RASGEF1B: variants seen among roughly 807,000 people sequenced by gnomAD.
RASGEF1B encodes ras-GEF domain-containing family member 1B.
In RASGEF1B, 30 loss-of-function variants were observed where a neutral mutation model predicts 65.7. The observed-to-expected ratio is 0.46, with a 90% CI of 0.34 to 0.62. The LOEUF is 0.62. Among genes scored for constraint, RASGEF1B ranks in the 20% least tolerant of loss-of-function variants. The pLI is 0.01. For synonymous variants in RASGEF1B, 175 were observed against 194.8 expected (o/e 0.90, Z 0.85); for missense variants, 495 against 580.1 (o/e 0.85, Z 1.51).
At chr4:81,444,151 T>C (rs1347364043) in intron 8 of RASGEF1B, among the ~76,000 whole-genome samples, 1 of 152,222 alleles carries the variant, frequency 6.6e-6, no homozygotes, top group Non-Finnish European at 1.5e-5. Context: ...TTTTCATTGA[T>C]TTGTAGGGTT....
chr4:81,469,098 G>C (rs907121846), intron 1 of RASGEF1B, among the ~76,000 whole-genome samples: 1 of 152,160 alleles, frequency 6.6e-6, no homozygotes, highest in African/African-American at 2.4e-5. Context: ...AAAAAGTGAG[G>C]GGGGTGGGCT....
At chr4:81,429,046 G>A (rs1435550042) in intron 13 of RASGEF1B, among the ~76,000 whole-genome samples, 1 of 152,274 alleles carries the variant, frequency 6.6e-6, no homozygotes, top group African/African-American at 2.4e-5. Context: ...GCAAGACACT[G>A]TGTCCAGAGC....
At chr4:81,442,034 T>C (rs901563341) in intron 9 of RASGEF1B, among the ~76,000 whole-genome samples, 2 of 152,182 alleles carry the variant, frequency 1.3e-5, no homozygotes, top group Admixed American at 1.3e-4. Flanking sequence ...AATTCCATTC[T>C]GACATATAAG....
intron 3 of RASGEF1B, among the ~76,000 whole-genome samples, chr4:81,457,077 G>A (rs1293831339): frequency 6.6e-6 from 1 of 152,072 alleles, no homozygotes; most frequent in Non-Finnish European, 1.5e-5. Flanking sequence ...GGAGTGCAGT[G>A]GTGCAATCTC....
chr4:81,461,466 T>C (rs1475731398), intron 1 of RASGEF1B, among the ~76,000 whole-genome samples: 1 of 152,210 alleles, frequency 6.6e-6, no homozygotes, highest in African/African-American at 2.4e-5. Context: ...TTTTCCTTCA[T>C]TGGAGCACTT....
intron 9 of RASGEF1B, among the ~76,000 whole-genome samples, chr4:81,441,223 A>G (rs901927137): frequency 2.0e-5 from 3 of 152,216 alleles, no homozygotes; most frequent in African/African-American, 7.2e-5. Context: ...GTCAAACACC[A>G]GCATCAGAAA....
chr4:81,459,920 G>A (rs1423435065), intron 1 of RASGEF1B, among the ~76,000 whole-genome samples: 1 of 152,152 alleles, frequency 6.6e-6, no homozygotes, highest in Non-Finnish European at 1.5e-5. Flanking sequence ...AAATTTGGTT[G>A]GGAAAAGTTA....
intron 8 of RASGEF1B, 25 bp downstream of exon 8, chr4:81,445,501 C>T (rs1721984761): frequency 1.4e-6 from 2 of 1,459,386 alleles, no homozygotes; most frequent in Admixed American, 3.4e-5. Flanking sequence ...AGATAAACGA[C>T]ATGTATCCTC....
chr4:81,456,587 C>A, intron 4 of RASGEF1B, 64 bp downstream of exon 4: 1 of 1,587,498 alleles, frequency 6.3e-7, no homozygotes, highest in Admixed American at 1.7e-5. Context: ...CATAATTCGG[C>A]ACCATTTCCC....
chr4:81,432,936 T>A (rs1721481030), intron 12 of RASGEF1B, among the ~76,000 whole-genome samples: 1 of 151,904 alleles, frequency 6.6e-6, no homozygotes, highest in South Asian at 2.1e-4. Flanking sequence ...ATTAAAAATG[T>A]TCTCCTGGCT....
chr4:81,436,973 T>C (rs1267924102), intron 10 of RASGEF1B, among the ~76,000 whole-genome samples: 1 of 152,258 alleles, frequency 6.6e-6, no homozygotes, highest in African/African-American at 2.4e-5. Context: ...AAAGATCTCA[T>C]TACCTTTCCT....
rs1722630068 is a variant in RASGEF1B, at chr4:81,461,165, T to C, written c.-6-1651A>G. Among the ~76,000 whole-genome samples the C allele has an allele frequency of 2.0e-5, 3 of 152,250 alleles. No homozygotes were observed. The South Asian group carries it at 6.2e-4, about 31-fold the overall frequency. ...CAAATTGCCAGGTTTCTATGAGTAC[T>C]ACTCCTGTGCAATATAATCGTTGCA... is the stretch of plus-strand genomic sequence containing the variant. On this transcript the variant is annotated intron_variant, in intron 1 of 13. Transcript: ENST00000264400.
chr4:81,437,110 G>A (rs1721654195), intron 10 of RASGEF1B, among the ~76,000 whole-genome samples: 1 of 152,198 alleles, frequency 6.6e-6, no homozygotes, highest in Non-Finnish European at 1.5e-5. Flanking sequence ...TTTGGATGCT[G>A]CCAGACAACA....
At chr4:81,459,101 T>C in intron 2 of RASGEF1B, 1 of 439,656 alleles carries the variant, frequency 2.3e-6, no homozygotes. Context: ...TCAGACCATC[T>C]ACAATGTTGT....
At chr4:81,456,858 AAG>A in intron 3 of RASGEF1B, 70 bp from the exon 4 acceptor site, 2 of 1,353,164 alleles carry the variant, frequency 1.5e-6, no homozygotes, top group Non-Finnish European at 2.0e-6. Flanking sequence ...AATAGTTACA[AAG>A]AGCGTCACTG....
chr4:81,427,707 G>T lies in RASGEF1B; in HGVS notation c.*61C>A. 1 of 1,604,192 alleles carries T rather than the reference G, an allele frequency of 6.2e-7. No homozygotes were observed. Among genetic ancestry groups the T allele is most frequent in the South Asian group, 1.1e-5 (1 of 90,586 alleles). ...GTGGTACGAGATGCCAGAAAACAAA[G>T]GCCAGCCCCTCCATGATCTGCAGGA... On this transcript the variant is annotated 3_prime_UTR_variant, in exon 14 of 14. Transcript: ENST00000264400.
chr4:81,439,454 T>A (rs182060937), intron 10 of RASGEF1B, among the ~76,000 whole-genome samples: 1 of 152,304 alleles, frequency 6.6e-6, no homozygotes, highest in African/African-American at 2.4e-5. Flanking sequence ...ACAACTGAGA[T>A]ATTTTGGAGG....
intron 4 of RASGEF1B, chr4:81,455,010 T>C (rs1722394062): frequency 6.6e-6 from 1 of 152,290 alleles, no homozygotes; most frequent in Non-Finnish European, 1.5e-5. Flanking sequence ...ATAAGTAAAG[T>C]AAAATTAAAA....
At chr4:81,434,938 C>T (rs1042553517) in intron 10 of RASGEF1B, among the ~76,000 whole-genome samples, 5 of 152,132 alleles carry the variant, frequency 3.3e-5, no homozygotes, top group Admixed American at 3.3e-4. Context: ...AACCAAAGCA[C>T]AGCAAGGACA....
Sources: gnomAD v4.1 joint callset for allele counts (sites outside exome capture counted in the v4.1 genomes callset) on GRCh38, gnomAD v4.1.1 for gene constraint, MANE v1.5 for transcripts, NCBI Gene and HGNC (gene_info 2026-07-23, HGNC 2026-07-21) for gene names.